CFAP46: variants seen among roughly 807,000 people sequenced by gnomAD.
CFAP46 encodes cilia- and flagella-associated protein 46.
A neutral mutation model predicts 325.7 loss-of-function variants in CFAP46; 245 were observed. That is an observed-to-expected ratio of 0.75 (90% CI 0.68 to 0.84). The LOEUF is 0.84. Among genes scored for constraint, CFAP46 ranks in the 40% least tolerant of loss-of-function variants. CFAP46 has a pLI of 0.00. For missense variants in CFAP46, 3,346 were observed against 3,543.0 expected, an observed-to-expected ratio of 0.94 and a Z score of 1.41; for synonymous variants, 1,523 against 1,495.9, an observed-to-expected ratio of 1.02 and a Z score of -0.42.
intron 9 of CFAP46, among the ~76,000 whole-genome samples, chr10:132,928,614 C>G (rs1480951378): frequency 6.6e-6 from 1 of 152,224 alleles, no homozygotes; most frequent in Admixed American, 6.5e-5. Flanking sequence ...GGTTGGTTTA[C>G]GTTCACTCTT....
At chr10:132,887,668 CCTCTCTCTCTCCTCT>C (rs1849175552) in intron 25 of CFAP46, among the ~76,000 whole-genome samples, 1 of 47,456 alleles carries the variant, frequency 2.1e-5, no homozygotes, top group Non-Finnish European at 5.6e-5. Flanking sequence ...TCCTCTTTCA[CCTCTCTCTCTCCTCT>C]CCTCTCTCTC....
chr10:132,810,292 TCC>T (rs2134741745), intron 57 of CFAP46, 115 bp downstream of exon 57: 1 of 855,480 alleles, frequency 1.2e-6, no homozygotes. Context: ...GAGTCCCAGG[TCC>T]CCCACGGAGA....
intron 50 of CFAP46, among the ~76,000 whole-genome samples, chr10:132,830,515 A>C (rs1025677278): frequency 3.9e-5 from 6 of 152,254 alleles, no homozygotes; most frequent in Non-Finnish European, 4.4e-5. Context: ...TATCCAGGTC[A>C]TCCCTTTCTT....
At chr10:132,908,168 G>A (rs540122478) in intron 22 of CFAP46, among the ~76,000 whole-genome samples, 2 of 152,382 alleles carry the variant, frequency 1.3e-5, no homozygotes, top group South Asian at 2.1e-4. Flanking sequence ...GACGGAGGCT[G>A]CCTGTGCACA....
chr10:132,878,031 GGTT>G lies in CFAP46; in HGVS notation c.4059_4061del (p.Thr1354del), dbSNP rs1233424926. On this transcript the variant is annotated inframe_deletion, in exon 30 of 58. Transcript: ENST00000368586. ...TTTTAGGCAATAACAGATGTGAGCT[GGTT>G]GCTGCCAGGGGTCTGTTTTCCAGAA... 6.5e-7 allele frequency: 1 copy of G among 1,548,486 alleles called. No individual in the cohort carries two copies. The highest frequency in any genetic ancestry group is 1.2e-5 in the South Asian group (1 of 83,398).
Position 132,840,154 on chromosome 10 carries a change from A to G in CFAP46, c.6439-3240T>C, listed in dbSNP as rs534319312. Among the ~76,000 whole-genome samples the G allele has an allele frequency of 2.0e-5, 3 of 152,306 alleles. No homozygotes were observed. In the East Asian group the frequency reaches 5.8e-4, roughly 29 times the overall value. On this transcript the variant is annotated intron_variant, in intron 44 of 57. Transcript: ENST00000368586. Reference sequence around the variant, plus strand: ...GATTCAATTTCTTTAACAGACACCGAATCATTTGGATTTTCTACGCTTCTG... The same window carrying G: ...GATTCAATTTCTTTAACAGACACCGGATCATTTGGATTTTCTACGCTTCTG...
intron 50 of CFAP46, among the ~76,000 whole-genome samples, chr10:132,829,616 T>C (rs34814210): frequency 0.35 from 53,217 of 152,182 alleles, 10,364 homozygotes; most frequent in Admixed American, 0.51. Context: ...CCTTAGGGGA[T>C]GGCCTCAGCC....
At chr10:132,885,775 T>TCACAGGCGGTGGAGGGAGCACTCA (rs766310878) in intron 26 of CFAP46, 46 bp downstream of exon 26, 1 of 1,312,802 alleles carries the variant, frequency 7.6e-7, no homozygotes, top group African/African-American at 3.8e-5. Context: ...GGGGGAGCAC[T>TCACAGGCGGTGGAGGGAGCACTCA]CAGGCGGTGG....
intron 44 of CFAP46, among the ~76,000 whole-genome samples, chr10:132,839,985 CCT>C (rs1848323575): frequency 6.6e-6 from 1 of 152,166 alleles, no homozygotes; most frequent in South Asian, 2.1e-4. Context: ...GTTCATCTGG[CCT>C]CTTAGTAAAA....
chr10:132,912,222 T>TC (rs1554883916), intron 19 of CFAP46, among the ~76,000 whole-genome samples: 1 of 103,484 alleles, frequency 9.7e-6, no homozygotes, highest in Non-Finnish European at 2.0e-5. Context: ...CTCCTCTCTC[T>TC]TCTCCTCTCT....
chr10:132,897,140 T>C (rs1849330633), intron 24 of CFAP46, among the ~76,000 whole-genome samples: 1 of 152,194 alleles, frequency 6.6e-6, no homozygotes. Context: ...ACTTAAGAGC[T>C]AAAGCTACAA....
chr10:132,910,407 C>T (rs908553011), intron 19 of CFAP46, among the ~76,000 whole-genome samples: 5 of 152,242 alleles, frequency 3.3e-5, no homozygotes, highest in Non-Finnish European at 7.3e-5. Flanking sequence ...GGTGGGGCAG[C>T]AAGGACGGAG....
chr10:132,812,986 T>C, intron 54 of CFAP46, 89 bp from the exon 55 acceptor site: 1 of 979,864 alleles, frequency 1.0e-6, no homozygotes, highest in Non-Finnish European at 1.6e-6. Context: ...ACATCCTGCG[T>C]GGTCCACGCC....
intron 21 of CFAP46, 30 bp from the exon 22 acceptor site, chr10:132,908,664 C>A: frequency 6.6e-7 from 1 of 1,503,934 alleles, no homozygotes; most frequent in South Asian, 1.3e-5. Context: ...GAAGGGGCAC[C>A]GTGTTAGCAA....
In CFAP46 at chr10:132,916,667, G is replaced by A. The variant is rs1849644586; in HGVS notation, c.2002C>T (p.Leu668=). ...TTCAGCTCTACACCTTCTGACCGCA[G>A]CAAATGAACCGTGGCCTGCAAAACA... ...FIHAEATVHL[L]RSEGVELNDR... The change falls in exon 17 of 58, where the codon CTG becomes TTG. Residue 668 remains leucine (L), a synonymous_variant. Coordinates refer to ENST00000368586, the MANE Select transcript of CFAP46 (RefSeq NM_001200049.3). 1.3e-6 allele frequency: 2 copies of A among 1,485,640 alleles called. No individual in the cohort carries two copies. The highest frequency in any genetic ancestry group is 2.6e-5 in the South Asian group (2 of 75,852). 92.0% of individuals were successfully genotyped at this position (1,485,640 alleles called of 1,614,324 possible).
At chr10:132,841,227 T>C (rs868636928) in intron 44 of CFAP46, among the ~76,000 whole-genome samples, 18 of 152,200 alleles carry the variant, frequency 1.2e-4, no homozygotes, top group African/African-American at 4.3e-4. Flanking sequence ...TCAAAACAAG[T>C]TCTCTACTTC....
In CFAP46 at chr10:132,851,356, A is replaced by G. The variant is rs1261470781; in HGVS notation, c.5575-51T>C. On this transcript the variant is annotated intron_variant, in intron 39 of 57. Transcript: ENST00000368586. ...AGCATGGAAGCTTCTGGTAAGCCTG[A>G]ATCTACATCCCCACAACTTGGATGA... The G allele has an allele frequency of 1.9e-6, 3 of 1,562,770 alleles. 1 individual carries two copies. The South Asian group carries it at 3.4e-5, about 18-fold the overall frequency.
At chr10:132,909,767 G>C (rs941681571) in intron 20 of CFAP46, among the ~76,000 whole-genome samples, 152 bp downstream of exon 20, 5 of 152,240 alleles carry the variant, frequency 3.3e-5, no homozygotes, top group African/African-American at 1.2e-4. Flanking sequence ...GCCAGCGGCG[G>C]TGAGCTCAGT....
chr10:132,840,270 T>C (rs1848328182), intron 44 of CFAP46, among the ~76,000 whole-genome samples: 1 of 152,228 alleles, frequency 6.6e-6, no homozygotes, highest in African/African-American at 2.4e-5. Flanking sequence ...GAACATTCTG[T>C]GTGAACTTTC....
Sources: allele counts gnomAD v4.1 joint callset (sites outside exome capture counted in the v4.1 genomes callset), GRCh38; gene constraint gnomAD v4.1.1; transcripts MANE v1.5; gene names NCBI Gene and HGNC (gene_info 2026-07-23, HGNC 2026-07-21).